Variants in EWSR1 observed in about 807,000 individuals in gnomAD.
EWSR1 encodes the protein EWS RNA binding protein 1.
EWSR1 carries 14 observed loss-of-function variants against 92.1 expected under a neutral mutation model. The observed-to-expected ratio is 0.15, with a 90% CI of 0.10 to 0.24. EWSR1 has a LOEUF of 0.24. Among genes scored for constraint, EWSR1 ranks in the 10% least tolerant of loss-of-function variants. The pLI is 1.00. For missense variants in EWSR1, 637 were observed against 870.9 expected (o/e 0.73, Z 3.38); for synonymous variants, 303 against 292.9 (o/e 1.03, Z -0.35).
chr22:29,292,867 C>T (rs1215069447), intron 11 of EWSR1, among the ~76,000 whole-genome samples: 1 of 150,678 alleles, frequency 6.6e-6, no homozygotes, highest in Non-Finnish European at 1.5e-5. Flanking sequence ...AGCGAATCTC[C>T]TGCCTCAGCC....
At chr22:29,272,323 G>A (rs2058745675) in intron 2 of EWSR1, 57 bp from the exon 3 acceptor site, 2 of 1,610,298 alleles carry the variant, frequency 1.2e-6, no homozygotes, top group Non-Finnish European at 1.7e-6. Context: ...TTCTATAATT[G>A]TAGAGGTGGT....
At position 29,300,481 on chromosome 22, in the gene EWSR1, T is replaced by G. The variant is rs1048986287; in HGVS notation, c.*320T>G. The G allele has an allele frequency of 8.2e-6, 2 of 244,950 alleles. No homozygotes were observed. Among genetic ancestry groups the G allele is most frequent in the African/African-American group, 4.5e-5 (2 of 44,804 alleles). 15.2% of individuals were successfully genotyped at this position (244,950 alleles called of 1,614,324 possible). A position where few individuals can be genotyped will look rare whatever the true frequency, so the allele number is the denominator to read the frequency against. On this transcript the variant is annotated 3_prime_UTR_variant, in exon 17 of 17. Coordinates refer to ENST00000397938, the MANE Select transcript of EWSR1 (RefSeq NM_005243.4). Reference sequence around the variant, plus strand: ...TAACAATGTTCATGGTTGTGATGTTTTTTTTTTTTTTTTAAATAAAATTCC... The same window carrying G: ...TAACAATGTTCATGGTTGTGATGTTGTTTTTTTTTTTTTAAATAAAATTCC...
intron 11 of EWSR1, among the ~76,000 whole-genome samples, chr22:29,293,425 C>T (rs2060599064): frequency 6.6e-6 from 1 of 152,112 alleles, no homozygotes; most frequent in Admixed American, 6.5e-5. Context: ...GTTTATGAAC[C>T]CCATAAACCT....
intron 8 of EWSR1, 111 bp downstream of exon 8, chr22:29,288,897 A>G (rs747766895): frequency 7.7e-5 from 83 of 1,077,842 alleles, no homozygotes; most frequent in Non-Finnish European, 9.7e-5. Context: ...TTCCATGGAC[A>G]ATCTGTTGAG....
intron 5 of EWSR1, among the ~76,000 whole-genome samples, chr22:29,281,837 G>A (rs1164321102): frequency 1.3e-5 from 2 of 150,606 alleles, no homozygotes; most frequent in Non-Finnish European, 3.0e-5. Context: ...CGCCCTCCTC[G>A]GCCTCCCAAA....
intron 7 of EWSR1, 73 bp from the exon 8 acceptor site, chr22:29,288,533 A>G: frequency 6.9e-7 from 1 of 1,440,564 alleles, no homozygotes; most frequent in South Asian, 1.4e-5. Context: ...GGATTTTGTG[A>G]TTCCAGGAGA....
chr22:29,281,076 T>A (rs2059561913), intron 5 of EWSR1, among the ~76,000 whole-genome samples: 1 of 151,768 alleles, frequency 6.6e-6, no homozygotes, highest in African/African-American at 2.4e-5. Context: ...AGACAGGGTT[T>A]CACTGTGTTT....
chr22:29,291,752 A>ACCTTATTAACCCC, intron 9 of EWSR1, 153 bp downstream of exon 9: 2 of 695,164 alleles, frequency 2.9e-6, no homozygotes, highest in Non-Finnish European at 4.7e-6. Context: ...TTAGGGGTTA[A>ACCTTATTAACCCC]TAAGGTTAAC....
At chr22:29,270,171 G>A (rs1197660650) in intron 1 of EWSR1, among the ~76,000 whole-genome samples, 1 of 152,180 alleles carries the variant, frequency 6.6e-6, no homozygotes. Context: ...AGCTTCCATA[G>A]TGACTGCTCT....
Position 29,297,031 on chromosome 22 carries a change from C to T in EWSR1, c.1294+663C>T, listed in dbSNP as rs181329632. ...CACCACTGCACTCCAACCTGGGCAA[C>T]GGAGCAAGACTCTGTCTCAAAGAAA... On this transcript the variant is annotated intron_variant, in intron 12 of 16. Transcript: ENST00000397938. 7.9e-5 allele frequency among the ~76,000 whole-genome samples: 12 copies of T among 152,326 alleles called. No individual in the cohort carries two copies. The East Asian group carries it at 1.7e-3, about 22-fold the overall frequency.
At chr22:29,271,645 G>A (rs910569053) in intron 1 of EWSR1, among the ~76,000 whole-genome samples, 2 of 152,172 alleles carry the variant, frequency 1.3e-5, no homozygotes, top group Admixed American at 6.6e-5. Flanking sequence ...TTCTGACACA[G>A]CAAACCCTTT....
chr22:29,289,468 G>A, intron 8 of EWSR1: 1 of 232,438 alleles, frequency 4.3e-6, no homozygotes, highest in Non-Finnish European at 8.5e-6. Context: ...TTAGATCAAT[G>A]ACATAACCCT....
At chr22:29,273,608 T>C (rs773961868) in intron 3 of EWSR1, 133 bp from the exon 4 acceptor site, 6 of 964,072 alleles carry the variant, frequency 6.2e-6, no homozygotes, top group Non-Finnish European at 9.1e-6. Flanking sequence ...TCTTGTTTTG[T>C]TGTTTTTGTT....
intron 14 of EWSR1, 75 bp from the exon 15 acceptor site, chr22:29,299,159 G>A (rs745611470): frequency 1.9e-5 from 30 of 1,612,928 alleles, no homozygotes; most frequent in Non-Finnish European, 2.5e-5. Flanking sequence ...GTGTGTACCT[G>A]TTCACACACC....
At chr22:29,287,174 G>GT (rs1342008207) in intron 7 of EWSR1, 40 bp downstream of exon 7, 1 of 1,581,568 alleles carries the variant, frequency 6.3e-7, no homozygotes, top group Admixed American at 1.8e-5. Flanking sequence ...GAATGAATGT[G>GT]TTTAGAGTTT....
intron 14 of EWSR1, 21 bp downstream of exon 14, chr22:29,298,916 A>G: frequency 6.5e-7 from 1 of 1,527,360 alleles, no homozygotes; most frequent in Non-Finnish European, 8.7e-7. Context: ...GTCTTGGCAA[A>G]TTGATACCCT....
intron 5 of EWSR1, among the ~76,000 whole-genome samples, chr22:29,278,864 G>A (rs956521305): frequency 6.6e-6 from 1 of 151,576 alleles, no homozygotes; most frequent in African/African-American, 2.4e-5. Context: ...GCGTGGTGGC[G>A]CACACCTGTA....
intron 5 of EWSR1, among the ~76,000 whole-genome samples, chr22:29,279,873 A>AC (rs1275169222): frequency 2.0e-5 from 3 of 152,168 alleles, no homozygotes. Context: ...ATGCAACAGT[A>AC]TATCCAAGCC....
At chr22:29,297,326 G>A (rs1434737358) in intron 12 of EWSR1, among the ~76,000 whole-genome samples, 1 of 152,208 alleles carries the variant, frequency 6.6e-6, no homozygotes, top group East Asian at 1.9e-4. Context: ...CCTAACTTTT[G>A]TATTTTTTAG....
Sources: gnomAD v4.1 joint callset for allele counts (sites outside exome capture counted in the v4.1 genomes callset) on GRCh38, gnomAD v4.1.1 for gene constraint, MANE v1.5 for transcripts, NCBI Gene and HGNC (gene_info 2026-07-23, HGNC 2026-07-21) for gene names.